Variants in PHKA1 observed in about 807,000 individuals in gnomAD.
PHKA1 encodes the protein phosphorylase b kinase regulatory subunit alpha, skeletal muscle isoform.
In PHKA1, 60 loss-of-function variants were observed where a neutral mutation model predicts 110.2. That is an observed-to-expected ratio of 0.54 (90% CI 0.44 to 0.68). PHKA1 has a LOEUF of 0.68. Among genes scored for constraint, PHKA1 ranks in the 30% least tolerant of loss-of-function variants. The pLI, the probability that PHKA1 is intolerant of heterozygous loss-of-function variation, is 0.00. For missense variants in PHKA1, 801 were observed against 942.5 expected (o/e 0.85, Z 1.97); for synonymous variants, 316 against 333.6 (o/e 0.95, Z 0.58).
intron 3 of PHKA1, among the ~76,000 whole-genome samples, chrX:72,701,705 C>T (rs1242440228): frequency 9.0e-6 from 1 of 111,508 alleles, no homozygotes; most frequent in African/African-American, 3.3e-5. Context: ...GGTGACAGAG[C>T]AAGACTCCAT....
intron 8 of PHKA1, among the ~76,000 whole-genome samples, chrX:72,658,950 C>T (rs1276318199): frequency 1.8e-5 from 2 of 112,035 alleles, no homozygotes; most frequent in Admixed American, 1.9e-4. Flanking sequence ...CGAACACCTT[C>T]GTTATGCTTA....
intron 12 of PHKA1, among the ~76,000 whole-genome samples, chrX:72,651,751 C>A (rs782654484): frequency 2.7e-5 from 3 of 111,129 alleles, no homozygotes; most frequent in East Asian, 5.7e-4. Flanking sequence ...CACAGCCACA[C>A]AAGGAAAATG....
At chrX:72,678,459 C>T (rs2053806058) in intron 5 of PHKA1, among the ~76,000 whole-genome samples, 1 of 111,874 alleles carries the variant, frequency 8.9e-6, no homozygotes, top group African/African-American at 3.3e-5. Flanking sequence ...CTTATCTGTC[C>T]CCCAATCCAG....
intron 21 of PHKA1, among the ~76,000 whole-genome samples, chrX:72,613,226 T>C (rs782320224): frequency 8.9e-6 from 1 of 111,988 alleles, no homozygotes; most frequent in African/African-American, 3.2e-5. Context: ...AATTGGAATA[T>C]ATATGTAGTT....
At chrX:72,610,283 C>T (rs1265573943) in intron 22 of PHKA1, among the ~76,000 whole-genome samples, 1 of 110,878 alleles carries the variant, frequency 9.0e-6, no homozygotes, top group Non-Finnish European at 1.9e-5. Flanking sequence ...TCCCGACTAC[C>T]CTTCCCAGCT....
At chrX:72,601,343 A>C (rs2052655063) in intron 28 of PHKA1, among the ~76,000 whole-genome samples, 1 of 111,947 alleles carries the variant, frequency 8.9e-6, no homozygotes. Context: ...TCTTGCAGTA[A>C]GGGAGAGAGA....
At chrX:72,602,338 C>T in intron 26 of PHKA1, 65 bp from the exon 27 acceptor site, 1 of 683,464 alleles carries the variant, frequency 1.5e-6, no homozygotes, top group Non-Finnish European at 2.3e-6. Context: ...TTCCCCATCA[C>T]ATTTAAAAAA....
chrX:72,666,374 T>C (rs1385376205), intron 7 of PHKA1, 77 bp from the exon 8 acceptor site: 26 of 850,473 alleles, frequency 3.1e-5, no homozygotes, highest in Non-Finnish European at 3.8e-5. Flanking sequence ...TCAACACACA[T>C]GATATCACTT....
At position 72,611,530 on chromosome X, in the gene PHKA1, A is replaced by C. The variant is rs192778017; in HGVS notation, c.2370-346T>G. 3.4e-3 allele frequency among the ~76,000 whole-genome samples: 382 copies of C among 112,264 alleles called. 1 individual carries two copies. Among genetic ancestry groups the C allele is most frequent in the Non-Finnish European group, 5.2e-3 (275 of 53,199 alleles). On this transcript the variant is annotated intron_variant, in intron 21 of 31. Coordinates refer to ENST00000373542, the MANE Select transcript of PHKA1 (RefSeq NM_002637.4). ...ATATGACAAATTACCAACTAGGAAAAAATGTTTGCAATTCATAGGATAATT... is the reference window on the plus strand; with the variant it reads ...ATATGACAAATTACCAACTAGGAAACAATGTTTGCAATTCATAGGATAATT...
Position 72,622,821 on chromosome X carries a change from GCT to G in PHKA1, c.1960+286_1960+287del. ...GATTAATCATCTCTCACTCACCACT[GCT>G]TCTTCCCATGTCAAAATCACCAGCC... is the stretch of plus-strand genomic sequence containing the variant. On this transcript the variant is annotated intron_variant, in intron 18 of 31. Transcript: ENST00000373542. The G allele has an allele frequency of 4.0e-6, 3 of 753,431 alleles. No homozygotes were observed. The South Asian group carries it at 2.0e-4, about 51-fold the overall frequency. The allele number at this position is 753,431 out of a possible 1,213,427, so 62.1% of individuals were successfully genotyped here. A position where few individuals can be genotyped will look rare whatever the true frequency, so the allele number is the denominator to read the frequency against.
At chrX:72,684,275 A>T (rs1358785207) in intron 5 of PHKA1, among the ~76,000 whole-genome samples, 5 of 111,661 alleles carry the variant, frequency 4.5e-5, no homozygotes, top group Admixed American at 9.5e-5. Context: ...GTTTGAAAGG[A>T]ATGAAAGTAT....
At chrX:72,680,416 A>C (rs1350494132) in intron 5 of PHKA1, among the ~76,000 whole-genome samples, 1 of 113,057 alleles carries the variant, frequency 8.8e-6, no homozygotes, top group Non-Finnish European at 1.9e-5. Context: ...AATACAGGCA[A>C]GAAGAAAGTG....
intron 31 of PHKA1, 121 bp downstream of exon 31, chrX:72,582,277 C>A: frequency 3.9e-6 from 2 of 512,241 alleles, no homozygotes; most frequent in South Asian, 2.8e-5. Flanking sequence ...CAAAGGGGGC[C>A]CAAAAAAGAA....
At chrX:72,623,410 TAAAA>T in intron 17 of PHKA1, 135 bp from the exon 18 acceptor site, 2 of 482,053 alleles carry the variant, frequency 4.1e-6, no homozygotes, top group Non-Finnish European at 6.9e-6. Flanking sequence ...ATAAATTTTA[TAAAA>T]ATAAAATTTT....
chrX:72,650,789 A>G (rs1325661109), intron 12 of PHKA1, among the ~76,000 whole-genome samples: 2 of 111,701 alleles, frequency 1.8e-5, no homozygotes, highest in African/African-American at 6.5e-5. Context: ...TGGTGCAATC[A>G]TGGCTCACTG....
At chrX:72,582,671 G>A in intron 30 of PHKA1, 73 bp from the exon 31 acceptor site, 1 of 684,769 alleles carries the variant, frequency 1.5e-6, no homozygotes, top group Admixed American at 2.6e-5. Flanking sequence ...TGCTCTGAAA[G>A]GCAGTAAAAA....
At chrX:72,668,652 C>T (rs1462098984) in intron 6 of PHKA1, among the ~76,000 whole-genome samples, 1 of 111,421 alleles carries the variant, frequency 9.0e-6, no homozygotes, top group Admixed American at 9.5e-5. Flanking sequence ...AGAAATGACA[C>T]CTAAACTGAG....
chrX:72,690,615 C>G (rs782477079), intron 4 of PHKA1, among the ~76,000 whole-genome samples: 1 of 111,938 alleles, frequency 8.9e-6, no homozygotes, highest in South Asian at 3.8e-4. Context: ...TCTTGGACTT[C>G]CAGCCTCCAG....
intron 29 of PHKA1, among the ~76,000 whole-genome samples, chrX:72,584,906 C>T (rs1360376964): frequency 3.0e-5 from 2 of 67,477 alleles, no homozygotes; most frequent in East Asian, 1.2e-3. Context: ...CCCCCCTCCC[C>T]CCACCCCATG....
Sources: allele counts gnomAD v4.1 joint callset (sites outside exome capture counted in the v4.1 genomes callset), GRCh38; gene constraint gnomAD v4.1.1; transcripts MANE v1.5; gene names NCBI Gene and HGNC (gene_info 2026-07-23, HGNC 2026-07-21).